MARCHF3: variants seen among roughly 807,000 people sequenced by gnomAD.
MARCHF3 encodes E3 ubiquitin-protein ligase MARCHF3.
In MARCHF3, 13 loss-of-function variants were observed where a neutral mutation model predicts 24.2. That is an observed-to-expected ratio of 0.54 (90% CI 0.35 to 0.85). MARCHF3 has a LOEUF of 0.85. Among genes scored for constraint, MARCHF3 ranks in the 40% least tolerant of loss-of-function variants. The pLI is 0.01. For missense variants in MARCHF3, 276 were observed against 325.0 expected, an observed-to-expected ratio of 0.85 and a Z score of 1.16; for synonymous variants, 144 against 137.3, an observed-to-expected ratio of 1.05 and a Z score of -0.34.
chr5:126,950,853 C>T (rs1580674083), intron 1 of MARCHF3, among the ~76,000 whole-genome samples: 2 of 152,226 alleles, frequency 1.3e-5, no homozygotes, highest in South Asian at 4.2e-4. Context: ...CTCCTATTAC[C>T]TTTTTCAGCT....
rs935413862 is a variant in MARCHF3, at chr5:126,921,319, T to C, written c.-56-3092A>G. Among the ~76,000 whole-genome samples the C allele has an allele frequency of 4.6e-5, 7 of 152,046 alleles. No homozygotes were observed. The South Asian group carries it at 1.2e-3, about 27-fold the overall frequency. On this transcript the variant is annotated intron_variant, in intron 1 of 4. Transcript: ENST00000308660. ...GGTTCTAATCTCAGAAGAGTGGATC[T>C]AACCACCTACTCAGGTGGCGGAGGA...
chr5:126,981,878 C>T (rs953616209), intron 1 of MARCHF3, among the ~76,000 whole-genome samples: 1 of 152,160 alleles, frequency 6.6e-6, no homozygotes. Flanking sequence ...CAGAAGAACA[C>T]ATTACTTGAC....
intron 1 of MARCHF3, among the ~76,000 whole-genome samples, chr5:126,978,605 G>A (rs1278573340): frequency 5.3e-5 from 8 of 152,182 alleles, no homozygotes; most frequent in African/African-American, 1.9e-4. Context: ...GTTGTTACAG[G>A]CATATCAGCA....
At chr5:126,908,780 C>T (rs1284397274) in intron 3 of MARCHF3, among the ~76,000 whole-genome samples, 1 of 151,508 alleles carries the variant, frequency 6.6e-6, no homozygotes, top group African/African-American at 2.4e-5. Flanking sequence ...CCTCCTGTAG[C>T]TCAGAGTAAT....
intron 3 of MARCHF3, among the ~76,000 whole-genome samples, chr5:126,909,533 T>G (rs1754436881): frequency 6.6e-6 from 1 of 152,242 alleles, no homozygotes; most frequent in African/African-American, 2.4e-5. Context: ...TGCGCTGTTT[T>G]TTAAGCCCAT....
At chr5:126,961,523 C>CT (rs1393024870) in intron 1 of MARCHF3, among the ~76,000 whole-genome samples, 2 of 152,050 alleles carry the variant, frequency 1.3e-5, no homozygotes, top group East Asian at 1.9e-4. Flanking sequence ...CAATTTGTTC[C>CT]TTTTTTGTCC....
chr5:126,895,972 G>T (rs893645478), intron 3 of MARCHF3, among the ~76,000 whole-genome samples: 1 of 152,116 alleles, frequency 6.6e-6, no homozygotes, highest in Non-Finnish European at 1.5e-5. Flanking sequence ...AGAATCCGTG[G>T]GTGTAGGACC....
chr5:126,998,968 T>C (rs1752034818), intron 1 of MARCHF3, among the ~76,000 whole-genome samples: 1 of 152,190 alleles, frequency 6.6e-6, no homozygotes, highest in Non-Finnish European at 1.5e-5. Flanking sequence ...AAAGTATGTG[T>C]GCCAAAAATC....
chr5:126,918,997 T>C (rs1314831047), intron 1 of MARCHF3, among the ~76,000 whole-genome samples: 1 of 152,226 alleles, frequency 6.6e-6, no homozygotes, highest in East Asian at 1.9e-4. Flanking sequence ...AATGCAGATG[T>C]ATATGCATCA....
intron 1 of MARCHF3, among the ~76,000 whole-genome samples, chr5:126,951,574 A>G (rs945869778): frequency 6.6e-6 from 1 of 152,164 alleles, no homozygotes; most frequent in Non-Finnish European, 1.5e-5. Context: ...CTTCCAATGA[A>G]CTTGAGCGTG....
At chr5:126,897,704 A>G (rs986817794) in intron 3 of MARCHF3, among the ~76,000 whole-genome samples, 2 of 152,114 alleles carry the variant, frequency 1.3e-5, no homozygotes, top group Admixed American at 6.6e-5. Context: ...CCTCTGGGCC[A>G]GTTTCCTCAT....
intron 1 of MARCHF3, among the ~76,000 whole-genome samples, chr5:126,940,575 G>A (rs1182365933): frequency 6.6e-6 from 1 of 151,908 alleles, no homozygotes; most frequent in Admixed American, 6.6e-5. Context: ...AGCCTCCCAA[G>A]TTGCTGGGAT....
intron 3 of MARCHF3, among the ~76,000 whole-genome samples, chr5:126,887,045 T>A (rs1196093924): frequency 6.6e-6 from 1 of 152,202 alleles, no homozygotes; most frequent in Non-Finnish European, 1.5e-5. Flanking sequence ...CTCCTTACTT[T>A]CTCACCCTTC....
intron 1 of MARCHF3, among the ~76,000 whole-genome samples, chr5:126,943,610 T>G (rs1253601841): frequency 5.3e-5 from 8 of 151,856 alleles, no homozygotes; most frequent in African/African-American, 1.9e-4. Flanking sequence ...CTCAAAATAT[T>G]AAATATTCAC....
chr5:126,983,813 C>T (rs1751473546), intron 1 of MARCHF3, among the ~76,000 whole-genome samples: 1 of 152,154 alleles, frequency 6.6e-6, no homozygotes, highest in African/African-American at 2.4e-5. Context: ...AAGAGGCAAC[C>T]AAAGGAGAAC....
intron 3 of MARCHF3, among the ~76,000 whole-genome samples, chr5:126,896,509 C>A (rs1423015206): frequency 6.6e-6 from 1 of 152,072 alleles, no homozygotes; most frequent in East Asian, 1.9e-4. Flanking sequence ...CTTGAGTGAT[C>A]CTGAGACATG....
At chr5:126,927,379 T>C (rs1749329594) in intron 1 of MARCHF3, among the ~76,000 whole-genome samples, 1 of 152,234 alleles carries the variant, frequency 6.6e-6, no homozygotes, top group African/African-American at 2.4e-5. Context: ...TGTACCTCAA[T>C]GCAAAGCACT....
chr5:126,934,976 G>A (rs1056053811), intron 1 of MARCHF3, among the ~76,000 whole-genome samples: 1 of 152,144 alleles, frequency 6.6e-6, no homozygotes, highest in Non-Finnish European at 1.5e-5. Context: ...TAAAATGTCT[G>A]GTTATAGTTG....
At chr5:126,942,827 A>G (rs1043874428) in intron 1 of MARCHF3, among the ~76,000 whole-genome samples, 2 of 152,228 alleles carry the variant, frequency 1.3e-5, no homozygotes, top group Non-Finnish European at 2.9e-5. Context: ...GCCACTTACT[A>G]AAACATTCCC....
Sources: allele counts gnomAD v4.1 joint callset (sites outside exome capture counted in the v4.1 genomes callset), GRCh38; gene constraint gnomAD v4.1.1; transcripts MANE v1.5; gene names NCBI Gene and HGNC (gene_info 2026-07-23, HGNC 2026-07-21).